The following SYNPR variants were observed in gnomAD, a reference collection of about 807,000 sequenced individuals.
SYNPR encodes the protein synaptoporin.
A neutral mutation model predicts 32.9 loss-of-function variants in SYNPR; 23 were observed. That is an observed-to-expected ratio of 0.70 (90% CI 0.50 to 0.99). The LOEUF is 0.99. SYNPR is among the 50% of genes least tolerant of loss of function. SYNPR has a pLI of 0.00. For synonymous variants in SYNPR, 146 were observed against 135.9 expected (o/e 1.07, Z -0.52); for missense variants, 318 against 349.3 (o/e 0.91, Z 0.71).
chr3:63,536,169 G>C (rs999158747), intron 3 of SYNPR, among the ~76,000 whole-genome samples: 20 of 152,058 alleles, frequency 1.3e-4, no homozygotes, highest in Middle Eastern at 6.8e-3. Context: ...AATTCATCAA[G>C]AAAGTGAATA....
At chr3:63,572,731 A>T (rs1702910396) in intron 4 of SYNPR, among the ~76,000 whole-genome samples, 1 of 152,200 alleles carries the variant, frequency 6.6e-6, no homozygotes, top group Non-Finnish European at 1.5e-5. Flanking sequence ...AATCAACCGA[A>T]GTCAAAGCCG....
the SYNPR span, among the ~76,000 whole-genome samples, chr3:63,204,980 G>A: frequency 0.066 from 9,981 of 152,084 alleles, 401 homozygotes; most frequent in South Asian, 0.084. Context: ...GAGCCACTAC[G>A]CCCAGCCAGA....
chr3:63,336,399 C>T (rs535771705), intron 2 of SYNPR, among the ~76,000 whole-genome samples: 26 of 151,386 alleles, frequency 1.7e-4, no homozygotes, highest in African/African-American at 5.6e-4. Context: ...TTTGTAGTTA[C>T]AAACGTGCAC....
chr3:63,552,858 G>A (rs1022047600), intron 3 of SYNPR, among the ~76,000 whole-genome samples: 1 of 152,108 alleles, frequency 6.6e-6, no homozygotes, highest in Non-Finnish European at 1.5e-5. Context: ...ATCTTTCTAA[G>A]CCTTAGTTTC....
chr3:63,587,796 T>A (rs1207861055), intron 4 of SYNPR, among the ~76,000 whole-genome samples: 1 of 152,088 alleles, frequency 6.6e-6, no homozygotes, highest in Non-Finnish European at 1.5e-5. Context: ...GAGCAGTGCC[T>A]ATTCACAGGT....
At chr3:63,413,342 T>C (rs2088494621) in intron 2 of SYNPR, among the ~76,000 whole-genome samples, 1 of 152,182 alleles carries the variant, frequency 6.6e-6, no homozygotes, top group South Asian at 2.1e-4. Context: ...TGCCACAGTT[T>C]GCTACAGGCT....
intron 4 of SYNPR, among the ~76,000 whole-genome samples, chr3:63,578,105 G>T (rs527521470): frequency 2.0e-5 from 3 of 152,242 alleles, no homozygotes; most frequent in African/African-American, 7.2e-5. Context: ...TATTCCCATT[G>T]CAAGTAAGGC....
At chr3:63,274,896 G>A (rs925632953), upstream of SYNPR, among the ~76,000 whole-genome samples, 3 of 152,214 alleles carry the variant, frequency 2.0e-5, no homozygotes, top group Non-Finnish European at 2.9e-5. Context: ...TTCCAGTGGC[G>A]GGAAGGGCCC....
At chr3:63,261,380 G>A (rs1160170239) in intron 2 of SYNPR, among the ~76,000 whole-genome samples, 1 of 151,684 alleles carries the variant, frequency 6.6e-6, no homozygotes, top group Non-Finnish European at 1.5e-5. Flanking sequence ...GGGATACTAT[G>A]CAGCCATAAA....
chr3:63,457,852 T>C (rs992905837), intron 2 of SYNPR, among the ~76,000 whole-genome samples: 1 of 152,124 alleles, frequency 6.6e-6, no homozygotes. Flanking sequence ...GACTACATGA[T>C]TACCTTAATC....
chr3:63,532,820 C>T (rs1702134987), intron 3 of SYNPR, among the ~76,000 whole-genome samples: 2 of 152,162 alleles, frequency 1.3e-5, no homozygotes, highest in African/African-American at 4.8e-5. Flanking sequence ...TAGTCCATTG[C>T]CCAATGAAAT....
At position 63,358,809 on chromosome 3, in the gene SYNPR, G is replaced by A. The variant is rs183014579; in HGVS notation, c.84+80067G>A. Among the ~76,000 whole-genome samples the A allele has an allele frequency of 1.3e-3, 204 of 152,212 alleles. 2 individuals are homozygous for A. The highest frequency in any genetic ancestry group is 4.5e-3 in the African/African-American group (185 of 41,540). On this transcript the variant is annotated intron_variant, in intron 2 of 5. Transcript: ENST00000478300. ...GTTCTACTATTGTCCTCATTTTATAGATAAGGAAACTAATCCTAGTTAAGA... is the reference window on the plus strand; with the variant it reads ...GTTCTACTATTGTCCTCATTTTATAAATAAGGAAACTAATCCTAGTTAAGA...
chr3:63,541,419 A>G (rs1702300359), intron 3 of SYNPR, among the ~76,000 whole-genome samples: 3 of 152,028 alleles, frequency 2.0e-5, no homozygotes, highest in Non-Finnish European at 4.4e-5. Flanking sequence ...ATTACAATCT[A>G]TTGACCTTAG....
intron 2 of SYNPR, among the ~76,000 whole-genome samples, chr3:63,357,164 G>T (rs951894027): frequency 4.6e-5 from 7 of 152,170 alleles, no homozygotes; most frequent in Admixed American, 2.0e-4. Context: ...CAGAGTCCTG[G>T]GGCCCATTTG....
At chr3:63,543,979 C>T (rs953145218) in intron 3 of SYNPR, among the ~76,000 whole-genome samples, 38 of 152,008 alleles carry the variant, frequency 2.5e-4, no homozygotes, top group African/African-American at 8.9e-4. Context: ...ATGATGGTAG[C>T]AAAGGAGTGG....
At chr3:63,290,641 T>G (rs964105635) in intron 2 of SYNPR, among the ~76,000 whole-genome samples, 4 of 152,174 alleles carry the variant, frequency 2.6e-5, no homozygotes, top group Non-Finnish European at 4.4e-5. Context: ...TGTTGAAACA[T>G]GCAGATACAA....
intron 2 of SYNPR, among the ~76,000 whole-genome samples, chr3:63,336,105 A>G (rs1238360177): frequency 6.6e-6 from 1 of 152,166 alleles, no homozygotes; most frequent in Non-Finnish European, 1.5e-5. Context: ...ATGTCTGACC[A>G]TTCGAATGTG....
At chr3:63,270,930 TTTCC>T (rs1243601755) in intron 3 of SYNPR, among the ~76,000 whole-genome samples, 3 of 33,364 alleles carry the variant, frequency 9.0e-5, no homozygotes, top group East Asian at 9.2e-4. Flanking sequence ...TCCTTCTTTC[TTTCC>T]TTCCTTCCTT....
chr3:63,507,216 A>G (rs921873264), intron 3 of SYNPR, among the ~76,000 whole-genome samples: 1 of 147,214 alleles, frequency 6.8e-6, no homozygotes, highest in Non-Finnish European at 1.5e-5. Context: ...TAAGCGGTGC[A>G]TAAAAAGTTT....
Sources: allele counts gnomAD v4.1 joint callset (sites outside exome capture counted in the v4.1 genomes callset), GRCh38; gene constraint gnomAD v4.1.1; transcripts MANE v1.5; gene names NCBI Gene and HGNC (gene_info 2026-07-23, HGNC 2026-07-21).